The following WDPCP variants were observed in gnomAD, a reference collection of about 807,000 sequenced individuals.
The protein encoded by WDPCP is WD repeat-containing and planar cell polarity effector protein fritz homolog.
Under a neutral mutation model 93.1 loss-of-function variants are expected in WDPCP, and 71 were observed. The observed-to-expected ratio is 0.76, with a 90% confidence interval of 0.63 to 0.93. The LOEUF (loss-of-function observed/expected upper bound fraction) is 0.93, where lower values mean the gene tolerates loss of function less well. Among genes scored for constraint, WDPCP ranks in the 40% least tolerant of loss-of-function variants. WDPCP has a pLI of 0.00. For synonymous variants in WDPCP, 315 were observed against 315.0 expected (o/e 1.00, Z 0.00); for missense variants, 844 against 887.4 (o/e 0.95, Z 0.62).
chr2:63,214,767 C>T (rs543041653), intron 14 of WDPCP, among the ~76,000 whole-genome samples: 22 of 152,198 alleles, frequency 1.4e-4, no homozygotes, highest in Non-Finnish European at 3.1e-4. Flanking sequence ...TATGCAACAT[C>T]AGCAAAGTCT....
chr2:63,452,914 C>T (rs1260478002), intron 6 of WDPCP, among the ~76,000 whole-genome samples: 1 of 152,178 alleles, frequency 6.6e-6, no homozygotes, highest in Non-Finnish European at 1.5e-5. Context: ...AACTGGATCC[C>T]TTCCTTACAC....
At chr2:63,615,768 T>C (rs1415307507) in intron 3 of WDPCP, among the ~76,000 whole-genome samples, 1 of 152,128 alleles carries the variant, frequency 6.6e-6, no homozygotes, top group Non-Finnish European at 1.5e-5. Flanking sequence ...TCAAGAGGGG[T>C]GTCAGCCACA....
intron 13 of WDPCP, among the ~76,000 whole-genome samples, chr2:63,294,735 G>GA (rs933148424): frequency 4.0e-5 from 6 of 149,728 alleles, no homozygotes; most frequent in Middle Eastern, 3.4e-3. Flanking sequence ...GCCATACAAA[G>GA]AAAAAAAAAC....
At chr2:63,377,080 A>T (rs1011990899) in intron 12 of WDPCP, among the ~76,000 whole-genome samples, 1 of 151,894 alleles carries the variant, frequency 6.6e-6, no homozygotes, top group African/African-American at 2.4e-5. Context: ...AAAAATATAC[A>T]ATCAATAATA....
At chr2:63,272,611 G>A (rs560066500) in intron 13 of WDPCP, among the ~76,000 whole-genome samples, 71 of 152,252 alleles carry the variant, frequency 4.7e-4, no homozygotes, top group African/African-American at 1.3e-3. Context: ...CTCATGATCC[G>A]AATGAGAAAT....
Position 63,529,781 on chromosome 2 carries a change from C to A in WDPCP, c.76-36841G>T, listed in dbSNP as rs148697861. ...AGTTTCAGAAGGAATGGTACCAGCT[C>A]CTCCTTGTATCTCTCATAGAATTCG... On this transcript the variant is annotated intron_variant, in intron 1 of 17. Coordinates refer to ENST00000272321, the MANE Select transcript of WDPCP (RefSeq NM_015910.7). Among the ~76,000 whole-genome samples, 1,097 of 152,258 alleles carry A rather than the reference C, an allele frequency of 7.2e-3. 10 individuals carry two copies. The Middle Eastern group carries it at 0.085, about 12-fold the overall frequency.
chr2:63,293,406 G>A (rs1684592360), intron 13 of WDPCP, among the ~76,000 whole-genome samples: 2 of 152,170 alleles, frequency 1.3e-5, no homozygotes, highest in South Asian at 4.1e-4. Context: ...AGCAAACCCT[G>A]GAGAAGGATG....
chr2:63,695,689 T>C (rs1575749636), intron 2 of WDPCP, among the ~76,000 whole-genome samples: 3 of 152,242 alleles, frequency 2.0e-5, no homozygotes, highest in Admixed American at 2.0e-4. Flanking sequence ...GTATAGTTCA[T>C]TGAACTTTCA....
chr2:63,766,014 C>T (rs1320544790), intron 2 of WDPCP, among the ~76,000 whole-genome samples: 1 of 152,214 alleles, frequency 6.6e-6, no homozygotes, highest in Admixed American at 6.5e-5. Flanking sequence ...CTCCAGGGAG[C>T]CTCAAAAGTT....
intron 2 of WDPCP, among the ~76,000 whole-genome samples, chr2:63,793,787 A>G (rs576411798): frequency 6.9e-6 from 1 of 145,304 alleles, no homozygotes; most frequent in African/African-American, 2.4e-5. Flanking sequence ...CTATGTCTAC[A>G]CTGAACTCTC....
intron 2 of WDPCP, among the ~76,000 whole-genome samples, chr2:63,745,797 A>G (rs1324732833): frequency 6.6e-6 from 1 of 152,164 alleles, no homozygotes; most frequent in Non-Finnish European, 1.5e-5. Context: ...TGGAGTTACT[A>G]GGGTAAAAAC....
chr2:63,393,512 T>C (rs1215438855), intron 10 of WDPCP, among the ~76,000 whole-genome samples: 2 of 151,218 alleles, frequency 1.3e-5, no homozygotes, highest in Non-Finnish European at 2.9e-5. Flanking sequence ...ACATGTACCC[T>C]AGAACTTAAA....
chr2:63,307,475 C>T (rs1327436210), intron 13 of WDPCP, among the ~76,000 whole-genome samples: 1 of 152,182 alleles, frequency 6.6e-6, no homozygotes, highest in Non-Finnish European at 1.5e-5. Context: ...CACCATGCTA[C>T]CTGACTTCAA....
chr2:63,414,706 A>G lies in WDPCP; in HGVS notation c.826-10049T>C, dbSNP rs533124736. On this transcript the variant is annotated intron_variant, in intron 9 of 17. Coordinates refer to ENST00000272321, the MANE Select transcript of WDPCP (RefSeq NM_015910.7). ...ATGCAAAGGCCTAAGAATGATACAA[A>G]GGACTGTGGGGACTTGGAGGAAGGA... is the stretch of plus-strand genomic sequence containing the variant. Among the ~76,000 whole-genome samples, 45 of 152,280 alleles carry G rather than the reference A, an allele frequency of 3.0e-4. 1 individual carries two copies. The highest frequency in any genetic ancestry group is 2.6e-3 in the Admixed American group (40 of 15,298).
intron 2 of WDPCP, chr2:63,751,683 G>T: frequency 2.0e-6 from 1 of 500,064 alleles, no homozygotes; most frequent in Non-Finnish European, 3.8e-6. Flanking sequence ...TTTGTTTCCT[G>T]GTAGTAACTA....
chr2:63,619,743 T>C (rs1370414927), intron 3 of WDPCP, among the ~76,000 whole-genome samples: 3 of 152,190 alleles, frequency 2.0e-5, no homozygotes, highest in African/African-American at 4.8e-5. Flanking sequence ...GATGGCCAAA[T>C]AGGAACAGCT....
At chr2:63,415,314 T>C (rs1695336065) in intron 9 of WDPCP, among the ~76,000 whole-genome samples, 1 of 152,090 alleles carries the variant, frequency 6.6e-6, no homozygotes, top group Admixed American at 6.5e-5. Flanking sequence ...AGTGAGCTAG[T>C]ATCATGCCAC....
chr2:63,187,006 A>G lies in WDPCP; in HGVS notation c.1916-12174T>C, dbSNP rs946967921. On this transcript the variant is annotated intron_variant, in intron 14 of 17. Transcript: ENST00000272321. ...GTGTTGATATGTATTTATCCCTTCA[A>G]TTCTGTCAATGTTTGCTTCACATAT... Among the ~76,000 whole-genome samples, 69 of 152,180 alleles carry G rather than the reference A, an allele frequency of 4.5e-4. 1 individual carries two copies. Among genetic ancestry groups the G allele is most frequent in the East Asian group, 3.9e-4 (2 of 5,182 alleles).
chr2:63,709,464 T>C (rs997994311), intron 2 of WDPCP, among the ~76,000 whole-genome samples: 1 of 152,188 alleles, frequency 6.6e-6, no homozygotes, highest in African/African-American at 2.4e-5. Flanking sequence ...ATGGGTGGTA[T>C]TGGATTACGC....
Sources: allele counts gnomAD v4.1 joint callset (sites outside exome capture counted in the v4.1 genomes callset), GRCh38; gene constraint gnomAD v4.1.1; transcripts MANE v1.5; gene names NCBI Gene and HGNC (gene_info 2026-07-23, HGNC 2026-07-21).